The following SGCZ variants were observed in gnomAD, a reference collection of about 807,000 sequenced individuals.
SGCZ encodes sarcoglycan zeta.
A neutral mutation model predicts 41.3 loss-of-function variants in SGCZ; 40 were observed. That is an observed-to-expected ratio of 0.97 (90% CI 0.75 to 1.26). The LOEUF is 1.26. Ranked by LOEUF, SGCZ falls within the 50% of genes most tolerant of loss-of-function variation. The pLI, the probability that SGCZ is intolerant of heterozygous loss-of-function variation, is 0.00. For synonymous variants in SGCZ, 206 were observed against 137.5 expected (o/e 1.50, Z -3.49); for missense variants, 552 against 369.8 (o/e 1.49, Z -4.04).
chr8:14,725,724 G>C (rs552497305), intron 1 of SGCZ, among the ~76,000 whole-genome samples: 6 of 152,224 alleles, frequency 3.9e-5, no homozygotes, highest in Admixed American at 2.6e-4. Flanking sequence ...AATAGAGAAG[G>C]AGTGTTTTCT....
intron 5 of SGCZ, among the ~76,000 whole-genome samples, chr8:14,134,904 T>C (rs1032407879): frequency 4.6e-5 from 7 of 152,324 alleles, no homozygotes; most frequent in Non-Finnish European, 8.8e-5. Flanking sequence ...TAGTTCATGA[T>C]GAGAATGTTA....
At chr8:15,154,442 G>C (rs1232559529) in intron 1 of SGCZ, among the ~76,000 whole-genome samples, 1 of 152,150 alleles carries the variant, frequency 6.6e-6, no homozygotes, top group East Asian at 1.9e-4. Flanking sequence ...CTCTTATGAA[G>C]GGCTGGAAAG....
intron 6 of SGCZ, among the ~76,000 whole-genome samples, chr8:14,105,807 A>AATT (rs1802185103): frequency 6.6e-6 from 1 of 152,170 alleles, no homozygotes; most frequent in African/African-American, 2.4e-5. Context: ...TCAGCAAGAT[A>AATT]ATTAAAATAC....
chr8:14,470,718 A>G (rs920027880), intron 2 of SGCZ, among the ~76,000 whole-genome samples: 1 of 152,176 alleles, frequency 6.6e-6, no homozygotes, highest in African/African-American at 2.4e-5. Flanking sequence ...GGAGATGAAT[A>G]CATAAAGGTA....
chr8:14,872,097 T>C (rs957964757), intron 1 of SGCZ, among the ~76,000 whole-genome samples: 1 of 151,796 alleles, frequency 6.6e-6, no homozygotes, highest in Admixed American at 6.6e-5. Flanking sequence ...ATGTTCTCAC[T>C]AATAAGTGGG....
chr8:14,351,307 T>C (rs1004260276), intron 2 of SGCZ, among the ~76,000 whole-genome samples: 1 of 152,076 alleles, frequency 6.6e-6, no homozygotes, highest in Non-Finnish European at 1.5e-5. Context: ...TTTTACTCCT[T>C]TGCATTAACT....
chr8:14,421,185 G>A (rs1799627184), intron 2 of SGCZ, among the ~76,000 whole-genome samples: 4 of 152,038 alleles, frequency 2.6e-5, no homozygotes, highest in African/African-American at 7.2e-5. Context: ...CTTGTACATG[G>A]AATTGTATCA....
intron 2 of SGCZ, among the ~76,000 whole-genome samples, chr8:14,437,771 T>C (rs1800135316): frequency 6.6e-6 from 1 of 151,794 alleles, no homozygotes; most frequent in Non-Finnish European, 1.5e-5. Context: ...TAAAAATAAG[T>C]GTAATTTTAT....
intron 2 of SGCZ, among the ~76,000 whole-genome samples, chr8:14,446,169 C>G (rs117506596): frequency 2.0e-5 from 3 of 152,252 alleles, no homozygotes; most frequent in East Asian, 1.9e-4. Flanking sequence ...GCTCCAATAA[C>G]TGAATCTTCA....
intron 3 of SGCZ, among the ~76,000 whole-genome samples, chr8:14,244,048 G>A (rs11782538): frequency 2.0e-5 from 3 of 151,926 alleles, no homozygotes; most frequent in Non-Finnish European, 2.9e-5. Flanking sequence ...GAACTGAACT[G>A]AGCACATTAC....
intron 1 of SGCZ, among the ~76,000 whole-genome samples, chr8:14,656,087 C>G (rs13249873): frequency 4.6e-5 from 7 of 151,880 alleles, no homozygotes; most frequent in African/African-American, 1.7e-4. Flanking sequence ...TTTATATGAA[C>G]GTTGTTTTTA....
At chr8:15,206,985 G>A (rs1009654360) in intron 1 of SGCZ, among the ~76,000 whole-genome samples, 2 of 152,060 alleles carry the variant, frequency 1.3e-5, no homozygotes, top group Non-Finnish European at 2.9e-5. Flanking sequence ...GCAGAAAAAA[G>A]GAAAGAGTAA....
chr8:14,731,388 G>A (rs1810234004), intron 1 of SGCZ, among the ~76,000 whole-genome samples: 2 of 151,872 alleles, frequency 1.3e-5, no homozygotes, highest in African/African-American at 4.8e-5. Context: ...TCTGTCAGGG[G>A]GTGGGGGGAT....
chr8:14,780,220 A>C (rs192178177), intron 1 of SGCZ, among the ~76,000 whole-genome samples: 2 of 151,884 alleles, frequency 1.3e-5, no homozygotes, highest in Admixed American at 1.3e-4. Context: ...TAAAAATACA[A>C]AAAAATTAGC....
At chr8:14,519,544 T>C (rs1468259626) in intron 2 of SGCZ, among the ~76,000 whole-genome samples, 2 of 152,160 alleles carry the variant, frequency 1.3e-5, no homozygotes, top group East Asian at 1.9e-4. Context: ...TTTAAACATA[T>C]TAGTTTTCTG....
At chr8:15,100,306 C>G (rs1806555217) in intron 1 of SGCZ, among the ~76,000 whole-genome samples, 1 of 151,980 alleles carries the variant, frequency 6.6e-6, no homozygotes, top group Non-Finnish European at 1.5e-5. Context: ...TATATTTCAG[C>G]ACCAAAAAAA....
At chr8:14,396,390 G>A (rs908399213) in intron 2 of SGCZ, among the ~76,000 whole-genome samples, 8 of 152,072 alleles carry the variant, frequency 5.3e-5, no homozygotes, top group Admixed American at 1.3e-4. Context: ...CTGAACAATG[G>A]TTCAGATGAA....
At chr8:14,627,483 A>G (rs771435553) in intron 1 of SGCZ, among the ~76,000 whole-genome samples, 18 of 152,074 alleles carry the variant, frequency 1.2e-4, no homozygotes, top group Admixed American at 2.0e-4. Flanking sequence ...CCACTGTCCT[A>G]TCCTCACAAA....
chr8:14,443,489 C>A (rs1392712399), intron 2 of SGCZ, among the ~76,000 whole-genome samples: 3 of 151,964 alleles, frequency 2.0e-5, no homozygotes, highest in Admixed American at 6.6e-5. Flanking sequence ...CAGAACAGAG[C>A]CCTCAGAAAT....
Sources: gnomAD v4.1 joint callset for allele counts (sites outside exome capture counted in the v4.1 genomes callset) on GRCh38, gnomAD v4.1.1 for gene constraint, MANE v1.5 for transcripts, NCBI Gene and HGNC (gene_info 2026-07-23, HGNC 2026-07-21) for gene names.